The following TEX15 variants were observed in gnomAD, a reference collection of about 807,000 sequenced individuals.
TEX15 encodes testis expressed 15, meiosis and synapsis associated.
In TEX15, 171 loss-of-function variants were observed where a neutral mutation model predicts 237.3. The observed-to-expected ratio is 0.72, with a 90% CI of 0.64 to 0.82. The LOEUF is 0.82. TEX15 is among the 40% of genes least tolerant of loss of function. The pLI is 0.00. For synonymous variants in TEX15, 1,338 were observed against 1,269.8 expected, an observed-to-expected ratio of 1.05 and a Z score of -1.14; for missense variants, 3,750 against 3,646.5, an observed-to-expected ratio of 1.03 and a Z score of -0.73.
intron 9 of TEX15, among the ~76,000 whole-genome samples, chr8:30,838,705 CACACACACACACATATAT>C (rs1308123273): frequency 4.1e-5 from 6 of 146,730 alleles, no homozygotes; most frequent in East Asian, 2.0e-4. Context: ...TATACACACA[CACACACACACACATATAT>C]ACACACACAC....
In TEX15 at chr8:30,844,844, C is replaced by T. The variant is rs1265956930; in HGVS notation, c.5323G>A (p.Gly1775Ser). The T allele has an allele frequency of 6.2e-7, 1 of 1,613,314 alleles. No homozygotes were observed. The highest frequency in any genetic ancestry group is 1.3e-5 in the African/African-American group (1 of 74,872). The change falls in exon 8 of 11, where the codon GGT (glycine) becomes AGT (serine). Residue 1775 changes from glycine (G) to serine (S), a missense_variant. Physicochemically the swap from Gly to Ser is moderately conservative, Grantham distance 56. Transcript: ENST00000643185. ...TTCCCATCTGTATGGAGGCAATTAC[C>T]TGAAGAGCACTGTTCTGTCTTTAGA... is the stretch of plus-strand genomic sequence containing the variant. The part of the protein sequence containing the change: ...ELLKTEQCSS[G>S]NCLHTDGNET...
chr8:30,842,421 T>C lies in TEX15; in HGVS notation c.7746A>G (p.Thr2582=), dbSNP rs2128767126. 1 of 1,613,706 alleles carries C rather than the reference T, an allele frequency of 6.2e-7. No individual in the cohort carries two copies. The highest frequency in any genetic ancestry group is 8.5e-7 in the Non-Finnish European group (1 of 1,179,814). Reference sequence around the variant, plus strand: ...ATTGATTGTAGTTGTATTCTAACTCTGTCACAGTGCTTCCATAATTTATGG... The same window carrying C: ...ATTGATTGTAGTTGTATTCTAACTCCGTCACAGTGCTTCCATAATTTATGG... ...IASINYGSTV[T]ELEYNYNQFS... Residue 2582 remains threonine (T), a synonymous_variant, in exon 8 of 11, where the codon ACA becomes ACG. Coordinates refer to ENST00000643185, the MANE Select transcript of TEX15 (RefSeq NM_001350162.2).
At chr8:30,852,594 C>T (rs114738712) in intron 7 of TEX15, among the ~76,000 whole-genome samples, 1,997 of 152,106 alleles carry the variant, frequency 0.013, 48 homozygotes, top group African/African-American at 0.046. Flanking sequence ...AATTGCAGAA[C>T]AAATCCAACA....
chr8:30,899,767 G>A (rs1808974174), intron 1 of TEX15, among the ~76,000 whole-genome samples: 1 of 152,096 alleles, frequency 6.6e-6, no homozygotes, highest in African/African-American at 2.4e-5. Flanking sequence ...TCTTTCTAGA[G>A]GCATTTAAAC....
At chr8:30,864,424 C>T (rs977297992) in intron 5 of TEX15, among the ~76,000 whole-genome samples, 3 of 151,192 alleles carry the variant, frequency 2.0e-5, no homozygotes, top group Non-Finnish European at 4.4e-5. Flanking sequence ...CTGAAAACTT[C>T]CCAAATCTGA....
At chr8:30,841,957 T>C (rs533966467) in intron 8 of TEX15, 47 bp downstream of exon 8, 2 of 1,376,606 alleles carry the variant, frequency 1.5e-6, no homozygotes, top group South Asian at 3.2e-5. Flanking sequence ...AGTAGACTTG[T>C]TTTCAAAAAG....
At chr8:30,908,663 G>C (rs1430598315) in intron 1 of TEX15, among the ~76,000 whole-genome samples, 1 of 152,154 alleles carries the variant, frequency 6.6e-6, no homozygotes, top group Admixed American at 6.5e-5. Flanking sequence ...AAAAACCTAT[G>C]TTTGAATCCT....
intron 1 of TEX15, among the ~76,000 whole-genome samples, chr8:30,912,399 A>G (rs1377427183): frequency 6.9e-6 from 1 of 145,250 alleles, no homozygotes; most frequent in Admixed American, 6.8e-5. Flanking sequence ...CGCCCTGCGC[A>G]ACGCGGCTGC....
intron 1 of TEX15, among the ~76,000 whole-genome samples, chr8:30,901,411 G>A (rs948323597): frequency 1.3e-5 from 2 of 152,288 alleles, no homozygotes; most frequent in East Asian, 3.9e-4. Flanking sequence ...TTGGAAAAAA[G>A]GCCTCAGTTT....
At chr8:30,880,402 T>C (rs1431839424) in intron 3 of TEX15, among the ~76,000 whole-genome samples, 1 of 152,182 alleles carries the variant, frequency 6.6e-6, no homozygotes, top group Non-Finnish European at 1.5e-5. Context: ...TTTAAAAGTA[T>C]AGTTGACTCA....
intron 2 of TEX15, among the ~76,000 whole-genome samples, chr8:30,893,300 A>G (rs1808832392): frequency 6.6e-6 from 1 of 152,262 alleles, no homozygotes; most frequent in South Asian, 2.1e-4. Context: ...AATGCACTCA[A>G]TCACGAGGCA....
At position 30,842,148 on chromosome 8, in the gene TEX15, A is replaced by G. The variant is rs900177217; in HGVS notation, c.8019T>C (p.Ile2673=). The G allele has an allele frequency of 6.2e-7, 1 of 1,612,812 alleles. No individual in the cohort carries two copies. The highest frequency in any genetic ancestry group is 1.3e-5 in the African/African-American group (1 of 74,816). The change falls in exon 8 of 11, where the codon ATT becomes ATC. Residue 2673 remains isoleucine, a synonymous_variant. Coordinates refer to ENST00000643185, the MANE Select transcript of TEX15 (RefSeq NM_001350162.2). ...KPGENNNKFS[I]STMLPPVSEC... ...CTGATACTGGGGGCAACATCGTAGAAATACTAAATTTATTGTTATTTTCCC... is the reference window on the plus strand; with the variant it reads ...CTGATACTGGGGGCAACATCGTAGAGATACTAAATTTATTGTTATTTTCCC...
At chr8:30,834,634 A>G (rs1220656866) in intron 10 of TEX15, among the ~76,000 whole-genome samples, 1 of 152,240 alleles carries the variant, frequency 6.6e-6, no homozygotes, top group Non-Finnish European at 1.5e-5. Flanking sequence ...CACAAAAAGT[A>G]CTACAGAAGT....
At chr8:30,880,117 C>G (rs561840197) in intron 3 of TEX15, among the ~76,000 whole-genome samples, 2 of 152,272 alleles carry the variant, frequency 1.3e-5, no homozygotes, top group East Asian at 3.9e-4. Context: ...CAACCTCCCC[C>G]TCCTGGGTTC....
At chr8:30,891,100 G>T (rs1044942575) in intron 2 of TEX15, among the ~76,000 whole-genome samples, 10 of 151,896 alleles carry the variant, frequency 6.6e-5, no homozygotes, top group Admixed American at 3.9e-4. Context: ...TTGAGAATAG[G>T]TCTCACTAGT....
intron 10 of TEX15, among the ~76,000 whole-genome samples, chr8:30,836,205 G>GTTT (rs33984716): frequency 0.24 from 10,335 of 43,232 alleles, 4,829 homozygotes; most frequent in Middle Eastern, 0.47. Flanking sequence ...TCACTGTATC[G>GTTT]TTTTTTTTTT....
At chr8:30,887,114 C>A in intron 3 of TEX15, 53 bp downstream of exon 3, 1 of 1,414,736 alleles carries the variant, frequency 7.1e-7, no homozygotes, top group South Asian at 1.4e-5. Context: ...AACTAAGAAT[C>A]AGAGAAATAC....
rs867269469 is a variant in TEX15 at position 30,843,022 on chromosome 8, G to A, written c.7145C>T (p.Ala2382Val). The change falls in exon 8 of 11, where the codon GCA becomes GTA. Residue 2382 changes from alanine to valine, a missense_variant. Transcript: ENST00000643185. ...GAGATCCTGTAATTTTTTAAGGTCTGCAAATTCAGCCTGATCCAATATCTC... is the reference window on the plus strand; with the variant it reads ...GAGATCCTGTAATTTTTTAAGGTCTACAAATTCAGCCTGATCCAATATCTC... ...ISEILDQAEFADLKKLQDLTL... is the reference protein window; with the variant it reads ...ISEILDQAEFVDLKKLQDLTL... 1.2e-6 allele frequency: 2 copies of A among 1,613,418 alleles called. No individual in the cohort carries two copies. The highest frequency in any genetic ancestry group is 1.7e-6 in the Non-Finnish European group (2 of 1,179,692).
intron 3 of TEX15, among the ~76,000 whole-genome samples, chr8:30,876,885 AT>A (rs1229343013): frequency 6.6e-6 from 1 of 152,132 alleles, no homozygotes; most frequent in Non-Finnish European, 1.5e-5. Context: ...CAGTTACCCC[AT>A]GCTAGTCTTG....
Sources: gnomAD v4.1 joint callset for allele counts (sites outside exome capture counted in the v4.1 genomes callset) on GRCh38, gnomAD v4.1.1 for gene constraint, MANE v1.5 for transcripts, NCBI Gene and HGNC (gene_info 2026-07-23, HGNC 2026-07-21) for gene names.